GSG1: variants seen among roughly 807,000 people sequenced by gnomAD.
GSG1 encodes germ cell-specific gene 1 protein.
In GSG1, 28 loss-of-function variants were observed where a neutral mutation model predicts 30.8. That is an observed-to-expected ratio of 0.91 (90% CI 0.67 to 1.25). GSG1 has a LOEUF of 1.25. Among genes scored for constraint, GSG1 ranks in the 50% most tolerant of loss-of-function variants. The pLI is 0.00. For missense variants in GSG1, 435 were observed against 444.7 expected (o/e 0.98, Z 0.20); for synonymous variants, 162 against 178.0 (o/e 0.91, Z 0.71).
At chr12:13,087,852 G>C in intron 5 of GSG1, 55 bp downstream of exon 5, 1 of 1,579,628 alleles carries the variant, frequency 6.3e-7, no homozygotes, top group Non-Finnish European at 8.6e-7. Context: ...CCTCCAGCTA[G>C]GGCTTCAAAA....
At chr12:13,100,478 A>G (rs1863118462) in intron 1 of GSG1, among the ~76,000 whole-genome samples, 1 of 152,226 alleles carries the variant, frequency 6.6e-6, no homozygotes, top group African/African-American at 2.4e-5. Flanking sequence ...ATGAAATAGT[A>G]TATTATCTTT....
chr12:13,084,693 G>T lies in GSG1; in HGVS notation c.*208C>A. On this transcript the variant is annotated 3_prime_UTR_variant, in exon 7 of 7. Transcript: ENST00000651961. ...GGGAATTCTGGATGTGTGAGATGTGGGGTGGGTGAAACAAGATGGAGCTGT... is the reference window on the plus strand; with the variant it reads ...GGGAATTCTGGATGTGTGAGATGTGTGGTGGGTGAAACAAGATGGAGCTGT... The T allele has an allele frequency of 8.6e-6, 4 of 462,966 alleles. No homozygotes were observed. The highest frequency in any genetic ancestry group is 1.5e-5 in the Non-Finnish European group (4 of 258,084). The allele number at this position is 462,966 out of a possible 1,614,324, so 28.7% of individuals were successfully genotyped here. A position where few individuals can be genotyped will look rare whatever the true frequency, so the allele number is the denominator to read the frequency against.
intron 6 of GSG1, among the ~76,000 whole-genome samples, chr12:13,086,016 T>C (rs958521787): frequency 6.6e-6 from 1 of 152,126 alleles, no homozygotes; most frequent in Non-Finnish European, 1.5e-5. Flanking sequence ...TCCCTAAATC[T>C]CCCTGTGGTT....
chr12:13,095,579 T>C, intron 1 of GSG1: 3 of 1,612,118 alleles, frequency 1.9e-6, no homozygotes, highest in East Asian at 2.2e-5. Flanking sequence ...CTTTGAGCAA[T>C]AGGAGGGGAA....
intron 4 of GSG1, 107 bp downstream of exon 4, chr12:13,088,755 G>T (rs2120683659): frequency 1.9e-6 from 3 of 1,612,550 alleles, no homozygotes; most frequent in East Asian, 4.5e-5. Flanking sequence ...AAAGCCCCAA[G>T]GGAGGGGAGG....
intron 1 of GSG1, among the ~76,000 whole-genome samples, chr12:13,099,801 TC>T (rs1030204158): frequency 1.0e-4 from 15 of 149,348 alleles, no homozygotes; most frequent in Non-Finnish European, 2.1e-4. Flanking sequence ...ACTGGCATCT[TC>T]CTGGAAAGGT....
Position 13,101,148 on chromosome 12 carries a change from G to A in GSG1, c.48+2317C>T, listed in dbSNP as rs1863162798. On this transcript the variant is annotated intron_variant, in intron 1 of 6. Coordinates refer to ENST00000651961, the MANE Select transcript of GSG1 (RefSeq NM_001080555.4). The surrounding 1 kb of genome is among the most constrained non-coding windows in gnomAD (Gnocchi z 5.8). ...GCGCGGGTGACGGCGCCAGCAGGCC[G>A]GCTGGGGCCGGGGGCGCTTGGGGAC... 1.3e-5 allele frequency among the ~76,000 whole-genome samples: 2 copies of A among 152,230 alleles called. No individual in the cohort carries two copies. Among genetic ancestry groups the A allele is most frequent in the South Asian group, 4.1e-4 (2 of 4,824 alleles).
In GSG1 at chr12:13,103,614, C is replaced by A; in HGVS notation, c.-102G>T. 7.7e-7 allele frequency: 1 copy of A among 1,293,318 alleles called. No homozygotes were observed. The highest frequency in any genetic ancestry group is 1.1e-6 in the Non-Finnish European group (1 of 896,904). 80.1% of individuals were successfully genotyped at this position (1,293,318 alleles called of 1,614,324 possible). A position where few individuals can be genotyped will look rare whatever the true frequency, so the allele number is the denominator to read the frequency against. On this transcript the variant is annotated 5_prime_UTR_variant, in exon 1 of 7. Coordinates refer to ENST00000651961, the MANE Select transcript of GSG1 (RefSeq NM_001080555.4). ...TTTAGCGTGAGGATGAATCAGGTCC[C>A]CTCTTGCCAGCAGAGGGGTAAGGTG...
At chr12:13,090,457 T>C (rs1245064176) in intron 2 of GSG1, 46 bp downstream of exon 2, 1 of 1,550,490 alleles carries the variant, frequency 6.4e-7, no homozygotes, top group East Asian at 2.3e-5. Flanking sequence ...TTAGATCCCT[T>C]GCCCGCCCTG....
intron 2 of GSG1, 127 bp from the exon 3 acceptor site, chr12:13,089,403 AG>A: frequency 2.0e-6 from 3 of 1,484,298 alleles, no homozygotes; most frequent in Non-Finnish European, 2.7e-6. Flanking sequence ...GGGCATTAGA[AG>A]AACTTTAGTA....
intron 3 of GSG1, 82 bp from the exon 4 acceptor site, chr12:13,088,991 C>T (rs1865828254): frequency 6.7e-7 from 1 of 1,501,004 alleles, no homozygotes; most frequent in Non-Finnish European, 9.2e-7. Flanking sequence ...ATAACTGGTA[C>T]TGCTCCCTCT....
chr12:13,093,089 G>A lies in GSG1; in HGVS notation c.49-2271C>T, dbSNP rs760356011. 2.4e-4 allele frequency among the ~76,000 whole-genome samples: 37 copies of A among 151,584 alleles called. No individual in the cohort carries two copies. Among genetic ancestry groups the A allele is most frequent in the Non-Finnish European group, 4.7e-4 (32 of 67,914 alleles). ...GGGATTACAGGCGTTAAGCCACCAC[G>A]CCTGGCCGGTTATATAAGCTTTTAA... On this transcript the variant is annotated intron_variant, in intron 1 of 6. Coordinates refer to ENST00000651961, the MANE Select transcript of GSG1 (RefSeq NM_001080555.4). The surrounding 1 kb of genome is among the most constrained non-coding windows in gnomAD (Gnocchi z 4.6).
rs150985566 is a variant in GSG1, at chr12:13,096,211, C to A, written c.49-5393G>T. 4.5e-4 allele frequency among the ~76,000 whole-genome samples: 69 copies of A among 152,168 alleles called. No homozygotes were observed. In the East Asian group the frequency reaches 0.013, roughly 29 times the overall value. ...TACTATTGCCGGGCGTGGTGGATCA[C>A]GCCTGTAATCCCAGCACTTTGGGAG... On this transcript the variant is annotated intron_variant, in intron 1 of 6. Transcript: ENST00000651961.
At chr12:13,091,398 T>G (rs1405042460) in intron 1 of GSG1, among the ~76,000 whole-genome samples, 1 of 152,192 alleles carries the variant, frequency 6.6e-6, no homozygotes, top group African/African-American at 2.4e-5. Flanking sequence ...CCCCACTCAA[T>G]CTATTAACAT....
At chr12:13,088,316 A>G (rs1169662339) in intron 4 of GSG1, among the ~76,000 whole-genome samples, 2 of 152,202 alleles carry the variant, frequency 1.3e-5, no homozygotes, top group Non-Finnish European at 2.9e-5. Flanking sequence ...TTTGAGAAGA[A>G]ATCATCGAAT....
At chr12:13,088,789 C>A (rs749032603) in intron 4 of GSG1, 73 bp downstream of exon 4, 1 of 1,614,082 alleles carries the variant, frequency 6.2e-7, no homozygotes, top group Non-Finnish European at 8.5e-7. Context: ...CTCCATCAAC[C>A]GCTTCCCTCC....
chr12:13,092,155 G>A (rs1866209519), intron 1 of GSG1, among the ~76,000 whole-genome samples: 1 of 152,182 alleles, frequency 6.6e-6, no homozygotes, highest in South Asian at 2.1e-4. Flanking sequence ...TGAATTGGAA[G>A]TGAGTATGTT....
chr12:13,096,383 A>G (rs968677747), intron 1 of GSG1, among the ~76,000 whole-genome samples: 6 of 150,256 alleles, frequency 4.0e-5, no homozygotes, highest in African/African-American at 1.5e-4. Context: ...CTGAGGCAGG[A>G]GAATGGTGTG....
Position 13,103,654 on chromosome 12 carries a change from G to A in GSG1, c.-142C>T. 1.1e-6 allele frequency: 1 copy of A among 877,980 alleles called. No individual in the cohort carries two copies. The highest frequency in any genetic ancestry group is 1.8e-6 in the Non-Finnish European group (1 of 543,888). The allele number at this position is 877,980 out of a possible 1,614,324, so 54.4% of individuals were successfully genotyped here. On this transcript the variant is annotated 5_prime_UTR_variant, in exon 1 of 7. Transcript: ENST00000651961. ...GGGGTAAGGTGGTGTGTGGTGGATTGGAGAGGATGTCCTGAGGGCCAGACA... is the reference window on the plus strand; with the variant it reads ...GGGGTAAGGTGGTGTGTGGTGGATTAGAGAGGATGTCCTGAGGGCCAGACA...
Sources: gnomAD v4.1 joint callset for allele counts (sites outside exome capture counted in the v4.1 genomes callset) on GRCh38, gnomAD v4.1.1 for gene constraint, Gnocchi (gnomAD v3.1) non-coding constraint, MANE v1.5 for transcripts, NCBI Gene and HGNC (gene_info 2026-07-23, HGNC 2026-07-21) for gene names.